Variants in BTG4 observed in about 807,000 individuals in gnomAD.
BTG4 encodes the protein protein BTG4.
Under a neutral mutation model 19.3 loss-of-function variants are expected in BTG4, and 10 were observed. That is an observed-to-expected ratio of 0.52 (90% CI 0.32 to 0.88). The LOEUF (loss-of-function observed/expected upper bound fraction) is 0.88, where lower values mean the gene tolerates loss of function less well. BTG4 is among the 40% of genes least tolerant of loss of function. The pLI is 0.04. For missense variants in BTG4, 238 were observed against 281.9 expected (o/e 0.84, Z 1.11); for synonymous variants, 91 against 95.7 (o/e 0.95, Z 0.29).
the BTG4 span, chr11:111,455,684 C>A: frequency 2.5e-6 from 1 of 393,580 alleles, no homozygotes. Flanking sequence ...GAGAATGTGG[C>A]TGCAGGGGGT....
chr11:111,476,948 G>C (rs1864431655), intron 5 of BTG4, among the ~76,000 whole-genome samples: 1 of 152,182 alleles, frequency 6.6e-6, no homozygotes, highest in African/African-American at 2.4e-5. Context: ...CCAGAAAGCA[G>C]AGTGAAGATT....
chr11:111,477,588 A>C (rs1864469667), intron 5 of BTG4, among the ~76,000 whole-genome samples: 1 of 152,160 alleles, frequency 6.6e-6, no homozygotes, highest in African/African-American at 2.4e-5. Flanking sequence ...AAAAGAAAGA[A>C]GATAAGACTC....
the BTG4 span, among the ~76,000 whole-genome samples, chr11:111,424,413 C>T: frequency 6.6e-6 from 1 of 152,182 alleles, no homozygotes; most frequent in African/African-American, 2.4e-5. Flanking sequence ...AAATGCTGGG[C>T]GTCCTGCCCC....
chr11:111,420,050 T>A, the BTG4 span, among the ~76,000 whole-genome samples: 2 of 152,116 alleles, frequency 1.3e-5, no homozygotes, highest in African/African-American at 4.8e-5. Flanking sequence ...GGTAAAGGAA[T>A]CTACAATGGA....
chr11:111,447,419 C>T, the BTG4 span, among the ~76,000 whole-genome samples: 4 of 152,230 alleles, frequency 2.6e-5, no homozygotes, highest in Admixed American at 1.3e-4. Flanking sequence ...TGGCTGTACA[C>T]GCACCAAAGG....
At chr11:111,440,884 G>A in the BTG4 span, among the ~76,000 whole-genome samples, 1 of 152,196 alleles carries the variant, frequency 6.6e-6, no homozygotes, top group Admixed American at 6.5e-5. Flanking sequence ...GAGATGAGGG[G>A]ACAAGGAGAG....
At chr11:111,467,792 T>A (rs987566862) in intron 5 of BTG4, 2 of 631,924 alleles carry the variant, frequency 3.2e-6, no homozygotes, top group Non-Finnish European at 5.6e-6. Flanking sequence ...AGCTAAGGCA[T>A]AATAAATGTC....
chr11:111,492,511 A>G (rs1283496499), downstream of BTG4, among the ~76,000 whole-genome samples: 1 of 152,238 alleles, frequency 6.6e-6, no homozygotes, highest in African/African-American at 2.4e-5. Flanking sequence ...ACCAACAAGC[A>G]TTATTTAATG....
chr11:111,475,320 T>C (rs1864337992), intron 5 of BTG4: 1 of 152,136 alleles, frequency 6.6e-6, no homozygotes, highest in South Asian at 2.1e-4. Context: ...AAATTTTCAG[T>C]GTGACTAAAA....
chr11:111,504,145 G>C (rs764368621), intron 1 of BTG4, among the ~76,000 whole-genome samples: 4 of 151,952 alleles, frequency 2.6e-5, no homozygotes, highest in Non-Finnish European at 5.9e-5. Flanking sequence ...AGAGGGGAAA[G>C]GTATAGATGT....
At chr11:111,395,146 G>A in the BTG4 span, among the ~76,000 whole-genome samples, 1 of 152,252 alleles carries the variant, frequency 6.6e-6, no homozygotes, top group East Asian at 1.9e-4. Context: ...GCCCAGGCCA[G>A]GTGGGCTTGG....
At chr11:111,432,062 A>G in the BTG4 span, among the ~76,000 whole-genome samples, 5 of 152,348 alleles carry the variant, frequency 3.3e-5, no homozygotes, top group Non-Finnish European at 5.9e-5. Context: ...GTAAGCACTT[A>G]TGAGTACCTA....
At chr11:111,394,524 C>A in the BTG4 span, among the ~76,000 whole-genome samples, 1 of 152,218 alleles carries the variant, frequency 6.6e-6, no homozygotes, top group Non-Finnish European at 1.5e-5. Flanking sequence ...GTGAGACCCC[C>A]CCACCAGCCA....
chr11:111,420,648 A>G, the BTG4 span, among the ~76,000 whole-genome samples: 1 of 152,254 alleles, frequency 6.6e-6, no homozygotes, highest in Non-Finnish European at 1.5e-5. Flanking sequence ...ACAGCATTCA[A>G]CAGTTTGAGA....
At chr11:111,489,971 T>C (rs1232067167), downstream of BTG4, among the ~76,000 whole-genome samples, 1 of 152,000 alleles carries the variant, frequency 6.6e-6, no homozygotes, top group Non-Finnish European at 1.5e-5. Context: ...TTACTGTACA[T>C]TTTTAAATAA....
At chr11:111,513,003 T>A, upstream of BTG4, 1 of 466,638 alleles carries the variant, frequency 2.1e-6, no homozygotes, top group South Asian at 1.6e-5. Flanking sequence ...CTAACTCCAC[T>A]GCCATCAAAA....
chr11:111,472,044 G>A (rs925809186), intron 5 of BTG4, among the ~76,000 whole-genome samples: 4 of 152,130 alleles, frequency 2.6e-5, no homozygotes, highest in African/African-American at 4.8e-5. Context: ...CCTCTTGCCC[G>A]GATTACTATA....
chr11:111,510,643 T>C (rs1204235711), intron 1 of BTG4, among the ~76,000 whole-genome samples: 3 of 152,226 alleles, frequency 2.0e-5, no homozygotes, highest in Non-Finnish European at 4.4e-5. Flanking sequence ...CATTCTTTTT[T>C]TTTTTTCAAC....
chr11:111,456,831 G>C, the BTG4 span: 1 of 265,622 alleles, frequency 3.8e-6, no homozygotes, highest in East Asian at 8.4e-5. This position sits in a 1 kb window ranked among gnomAD's most constrained non-coding sequence, Gnocchi z 4.2. Context: ...TGAGCTCCCA[G>C]GGAGCACAGC....
Sources: allele counts gnomAD v4.1 joint callset (sites outside exome capture counted in the v4.1 genomes callset), GRCh38; gene constraint gnomAD v4.1.1; non-coding constraint Gnocchi (gnomAD v3.1); transcripts MANE v1.5; gene names NCBI Gene and HGNC (gene_info 2026-07-23, HGNC 2026-07-21).